TENM1: variants seen among roughly 807,000 people sequenced by gnomAD.
TENM1 encodes teneurin-1.
A neutral mutation model predicts 174.8 loss-of-function variants in TENM1; 35 were observed. The ratio of observed to expected loss-of-function variants is 0.20; its 90% CI spans 0.15 to 0.27. TENM1 has a LOEUF of 0.27. Among genes scored for constraint, TENM1 ranks in the 10% least tolerant of loss-of-function variants. The pLI, the probability that TENM1 is intolerant of heterozygous loss-of-function variation, is 1.00. For synonymous variants in TENM1, 781 were observed against 798.7 expected (o/e 0.98, Z 0.37); for missense variants, 1,633 against 2,130.1 (o/e 0.77, Z 4.59).
chrX:124,582,666 A>G (rs1382074294), intron 11 of TENM1, among the ~76,000 whole-genome samples: 2 of 111,884 alleles, frequency 1.8e-5, no homozygotes, highest in Non-Finnish European at 3.8e-5. Flanking sequence ...CTCACTAGGG[A>G]GTGCCAGACA....
chrX:125,070,372 G>A, the TENM1 span, among the ~76,000 whole-genome samples: 1 of 110,901 alleles, frequency 9.0e-6, no homozygotes, highest in African/African-American at 3.3e-5. Context: ...ATTTTTTAAT[G>A]GAGTTGTTTG....
the TENM1 span, among the ~76,000 whole-genome samples, chrX:125,126,049 A>T: frequency 8.9e-6 from 1 of 112,223 alleles, no homozygotes; most frequent in Admixed American, 9.5e-5. Flanking sequence ...CTAAACGTTT[A>T]CTTCAATGCA....
chrX:124,541,186 G>A (rs750499579), intron 15 of TENM1, among the ~76,000 whole-genome samples: 1 of 111,826 alleles, frequency 8.9e-6, no homozygotes, highest in East Asian at 2.8e-4. Flanking sequence ...GTGTGTTCTA[G>A]GCAACCAAAA....
intron 3 of TENM1, among the ~76,000 whole-genome samples, chrX:124,748,557 T>C (rs1245589158): frequency 4.5e-5 from 5 of 111,329 alleles, no homozygotes; most frequent in Non-Finnish European, 7.5e-5. Flanking sequence ...TATTTAGTAG[T>C]AGAAGACAAA....
At chrX:124,531,126 C>CTTTT (rs1189755779) in intron 15 of TENM1, among the ~76,000 whole-genome samples, 1 of 79,181 alleles carries the variant, frequency 1.3e-5, no homozygotes, top group African/African-American at 5.1e-5. Flanking sequence ...TCAATACCAC[C>CTTTT]TTTTTTTTTT....
intron 25 of TENM1, among the ~76,000 whole-genome samples, chrX:124,412,966 G>A (rs1197461748): frequency 8.9e-6 from 1 of 112,082 alleles, no homozygotes; most frequent in African/African-American, 3.2e-5. Flanking sequence ...GTAGAGATTG[G>A]GAAGGGGAGG....
intron 11 of TENM1, among the ~76,000 whole-genome samples, chrX:124,631,247 TA>T (rs1300731563): frequency 8.0e-5 from 9 of 111,893 alleles, no homozygotes; most frequent in Admixed American, 2.9e-4. Context: ...TAATGAGGCA[TA>T]TTTTTTTTAA....
chrX:124,402,666 G>A (rs1251219466), intron 27 of TENM1, among the ~76,000 whole-genome samples: 1 of 111,727 alleles, frequency 9.0e-6, no homozygotes, highest in South Asian at 3.8e-4. Context: ...TATAGGATGA[G>A]TTATCCTAAA....
At chrX:125,122,150 T>C in the TENM1 span, among the ~76,000 whole-genome samples, 1 of 111,928 alleles carries the variant, frequency 8.9e-6, no homozygotes, top group Non-Finnish European at 1.9e-5. Context: ...TGGAACTAAG[T>C]TCAAAATGTC....
intron 11 of TENM1, among the ~76,000 whole-genome samples, chrX:124,612,407 G>A (rs1276800567): frequency 9.0e-6 from 1 of 111,213 alleles, no homozygotes; most frequent in Admixed American, 9.6e-5. Flanking sequence ...TAGCCCTGAG[G>A]TGAGTTGGGT....
intron 25 of TENM1, among the ~76,000 whole-genome samples, chrX:124,413,554 T>C (rs1303237622): frequency 8.9e-6 from 1 of 112,053 alleles, no homozygotes; most frequent in Non-Finnish European, 1.9e-5. Flanking sequence ...TCAGCGGAAC[T>C]TCCCTACCAG....
chrX:124,508,483 C>A (rs184563236), intron 18 of TENM1, among the ~76,000 whole-genome samples: 23 of 112,253 alleles, frequency 2.0e-4, no homozygotes, highest in African/African-American at 7.4e-4. Flanking sequence ...ATGTATTATC[C>A]TTTCAGTGAA....
At chrX:125,102,699 T>G in the TENM1 span, among the ~76,000 whole-genome samples, 1 of 112,548 alleles carries the variant, frequency 8.9e-6, no homozygotes, top group African/African-American at 3.2e-5. Flanking sequence ...CACATTCTAG[T>G]TTCAAACAGG....
the TENM1 span, among the ~76,000 whole-genome samples, chrX:125,114,770 C>T: frequency 3.6e-5 from 4 of 110,846 alleles, no homozygotes; most frequent in Non-Finnish European, 7.6e-5. Context: ...CCAAAAAAAA[C>T]CCAGGACCAG....
exon 32 of TENM1, chrX:124,380,371 AAAC>A (rs2060142574): frequency 4.4e-6 from 2 of 451,106 alleles, no homozygotes; most frequent in Non-Finnish European, 7.0e-6. Flanking sequence ...GAGTTTAAAC[AAAC>A]AATATTAAAA....
chrX:124,497,390 C>A, intron 19 of TENM1, 125 bp from the exon 23 acceptor site: 1 of 671,235 alleles, frequency 1.5e-6, no homozygotes, highest in Non-Finnish European at 2.2e-6. Flanking sequence ...CATAAGAGAA[C>A]CTGAGAGTGA....
the TENM1 span, among the ~76,000 whole-genome samples, chrX:125,154,272 A>G: frequency 8.9e-6 from 1 of 112,019 alleles, no homozygotes; most frequent in African/African-American, 3.3e-5. Flanking sequence ...TTGGAGTCAT[A>G]ACCCTGGGGT....
intron 4 of TENM1, among the ~76,000 whole-genome samples, chrX:124,707,270 TAGGATTAC>T (rs1455153011): frequency 8.9e-6 from 1 of 112,284 alleles, no homozygotes; most frequent in African/African-American, 3.2e-5. Context: ...CCTAAAGTGC[TAGGATTAC>T]AGGCATGAGC....
the TENM1 span, among the ~76,000 whole-genome samples, chrX:125,028,007 G>A: frequency 9.0e-6 from 1 of 111,606 alleles, no homozygotes; most frequent in African/African-American, 3.3e-5. Flanking sequence ...TTCACATACT[G>A]CTAGTAGAAG....
Sources: allele counts gnomAD v4.1 joint callset (sites outside exome capture counted in the v4.1 genomes callset), GRCh38; gene constraint gnomAD v4.1.1; transcripts MANE v1.5; gene names NCBI Gene and HGNC (gene_info 2026-07-23, HGNC 2026-07-21).